ANTXR1: variants seen among roughly 807,000 people sequenced by gnomAD.
The protein encoded by ANTXR1 is anthrax toxin receptor 1.
In ANTXR1, 19 loss-of-function variants were observed where a neutral mutation model predicts 78.1. The ratio of observed to expected loss-of-function variants is 0.24; its 90% CI spans 0.17 to 0.36. The LOEUF is 0.36. Among genes scored for constraint, ANTXR1 ranks in the 10% least tolerant of loss-of-function variants. The probability of loss-of-function intolerance (pLI) is 1.00; values close to 1 mark genes in which losing one functional copy is unlikely to be tolerated. For synonymous variants in ANTXR1, 273 were observed against 260.5 expected (o/e 1.05, Z -0.46); for missense variants, 518 against 718.6 (o/e 0.72, Z 3.19).
intron 17 of ANTXR1, among the ~76,000 whole-genome samples, chr2:69,204,434 G>C (rs1284725728): frequency 6.6e-6 from 1 of 152,104 alleles, no homozygotes; most frequent in Non-Finnish European, 1.5e-5. Context: ...CTTCATTTTA[G>C]AGGCACCAAA....
At chr2:69,059,956 C>A (rs1369323307) in intron 3 of ANTXR1, among the ~76,000 whole-genome samples, 3 of 152,094 alleles carry the variant, frequency 2.0e-5, no homozygotes, top group Non-Finnish European at 4.4e-5. Context: ...AATGTGTGAC[C>A]AATGAAAATA....
intron 3 of ANTXR1, among the ~76,000 whole-genome samples, chr2:69,064,823 T>C (rs1283252526): frequency 1.3e-5 from 2 of 152,110 alleles, no homozygotes; most frequent in Non-Finnish European, 1.5e-5. Flanking sequence ...AATTAGAAAA[T>C]GTATCCAACA....
At chr2:69,191,108 T>C (rs555555692) in intron 16 of ANTXR1, among the ~76,000 whole-genome samples, 15 of 152,226 alleles carry the variant, frequency 9.9e-5, no homozygotes, top group Non-Finnish European at 1.5e-4. Context: ...AGCTGGTGAT[T>C]GGAACGGCTT....
At chr2:69,040,213 T>C in intron 2 of ANTXR1, 98 bp downstream of exon 2, 1 of 1,115,706 alleles carries the variant, frequency 9.0e-7, no homozygotes, top group Non-Finnish European at 1.3e-6. Context: ...ACTTTGGGGA[T>C]GTTTTTTGAC....
Position 69,090,848 on chromosome 2 carries a change from G to T in ANTXR1, c.643-11G>T, listed in dbSNP as rs556643370. ...GCTGTGCATTGACTCTTTTATTTCC[G>T]CTCCTCCTAGATTTTGAAGAAGTCC... is the stretch of plus-strand genomic sequence containing the variant. On this transcript the variant is annotated splice_polypyrimidine_tract_variant and intron_variant, in intron 8 of 17. Transcript: ENST00000303714. The T allele has an allele frequency of 2.7e-5, 44 of 1,612,384 alleles. No individual in the cohort carries two copies. The highest frequency in any genetic ancestry group is 2.3e-4 in the African/African-American group (17 of 74,932).
intron 13 of ANTXR1, 52 bp from the exon 14 acceptor site, chr2:69,170,196 G>A: frequency 6.2e-7 from 1 of 1,606,174 alleles, no homozygotes; most frequent in South Asian, 1.1e-5. Flanking sequence ...AGCCTCTTAG[G>A]AGGCAGGTAG....
At chr2:69,155,678 T>C (rs1322438435) in intron 13 of ANTXR1, among the ~76,000 whole-genome samples, 3 of 152,156 alleles carry the variant, frequency 2.0e-5, no homozygotes, top group African/African-American at 4.8e-5. Flanking sequence ...AAGTCATCAA[T>C]GAATCAGTGA....
In ANTXR1 at chr2:69,137,112, A is replaced by G. The variant is rs1172701479; in HGVS notation, c.951+12469A>G. Among the ~76,000 whole-genome samples the G allele has an allele frequency of 2.0e-5, 3 of 152,180 alleles. No individual in the cohort carries two copies. The East Asian group carries it at 5.8e-4, about 29-fold the overall frequency. On this transcript the variant is annotated intron_variant, in intron 12 of 17. Coordinates refer to ENST00000303714, the MANE Select transcript of ANTXR1 (RefSeq NM_032208.3). ...TCCCCCATTTTTATCACCAACTAAA[A>G]TTTGGCGGATTACTATGAAACTCTC...
chr2:69,182,913 C>A, intron 16 of ANTXR1: 2 of 513,464 alleles, frequency 3.9e-6, no homozygotes, highest in Non-Finnish European at 6.9e-6. Flanking sequence ...AAAACTGGAA[C>A]AATATAGAGA....
At position 69,245,367 on chromosome 2, in the gene ANTXR1, C is replaced by T. The variant is rs1460382455; in HGVS notation, c.1577C>T (p.Pro526Leu). The change falls in exon 18 of 18, where the codon CCC becomes CTC. Residue 526 changes from proline to leucine, a missense_variant. Pro to Leu is a moderately conservative substitution (Grantham distance 98). Coordinates refer to ENST00000303714, the MANE Select transcript of ANTXR1 (RefSeq NM_032208.3). ...GCGCCCCACTGCCCTCCCCCGCCCC[C>T]CAGCGCCCCTACCCCTCCCATCCCG... ...PPAPHCPPPP[P>L]SAPTPPIPSP... is the part of the protein sequence containing the mutation. 4.0e-6 allele frequency: 6 copies of T among 1,518,496 alleles called. No individual in the cohort carries two copies. Among genetic ancestry groups the T allele is most frequent in the Admixed American group, 2.0e-5 (1 of 48,978 alleles). 94.1% of individuals were successfully genotyped at this position (1,518,496 alleles called of 1,614,324 possible). A position where few individuals can be genotyped will look rare whatever the true frequency, so the allele number is the denominator to read the frequency against.
chr2:69,241,775 A>G (rs1464622444), intron 17 of ANTXR1, among the ~76,000 whole-genome samples: 1 of 152,196 alleles, frequency 6.6e-6, no homozygotes, highest in African/African-American at 2.4e-5. Context: ...TTTCCACCAC[A>G]GACAGGGTCT....
At chr2:69,192,770 T>C (rs2104475046) in intron 16 of ANTXR1, among the ~76,000 whole-genome samples, 1 of 152,344 alleles carries the variant, frequency 6.6e-6, no homozygotes, top group South Asian at 2.1e-4. Flanking sequence ...TTGTGGTTTT[T>C]GGTCATCTGT....
chr2:69,217,241 G>A (rs1040335600), intron 17 of ANTXR1, among the ~76,000 whole-genome samples: 10 of 152,212 alleles, frequency 6.6e-5, no homozygotes, highest in Non-Finnish European at 1.5e-4. Context: ...CCCACCAAAA[G>A]TGCTTAGGGC....
At chr2:69,114,544 A>G (rs938269285) in intron 10 of ANTXR1, among the ~76,000 whole-genome samples, 8 of 152,200 alleles carry the variant, frequency 5.3e-5, no homozygotes, top group Middle Eastern at 3.2e-3. Flanking sequence ...CCTCATGAAC[A>G]CAGTAACAAT....
chr2:69,082,863 G>C (rs1670939032), intron 8 of ANTXR1, among the ~76,000 whole-genome samples: 1 of 152,206 alleles, frequency 6.6e-6, no homozygotes, highest in Non-Finnish European at 1.5e-5. Flanking sequence ...GTTAAGGAGA[G>C]TGAGTCAGCA....
intron 8 of ANTXR1, among the ~76,000 whole-genome samples, chr2:69,089,810 A>G (rs949815424): frequency 6.6e-6 from 1 of 152,242 alleles, no homozygotes; most frequent in Non-Finnish European, 1.5e-5. Context: ...CCTCTAAACC[A>G]TCTCAAATTC....
At chr2:69,155,364 A>G (rs879041714) in intron 13 of ANTXR1, among the ~76,000 whole-genome samples, 13 of 152,106 alleles carry the variant, frequency 8.5e-5, no homozygotes, top group Admixed American at 7.9e-4. Flanking sequence ...GAGGTATTGG[A>G]CTATGCACAC....
rs180825227 is a variant in ANTXR1, at chr2:69,029,609, C to T, written c.153-10435C>T. Among the ~76,000 whole-genome samples, 194 of 151,496 alleles carry T rather than the reference C, an allele frequency of 1.3e-3. 1 individual carries two copies. The highest frequency in any genetic ancestry group is 4.5e-3 in the African/African-American group (185 of 41,274). On this transcript the variant is annotated intron_variant, in intron 1 of 17. Transcript: ENST00000303714. ...AAAAGGAAAGTGAGATTCAGACTGG[C>T]GTTAGTTTTTTTACTCTACACATTA...
At chr2:69,240,817 T>C (rs1675877678) in intron 17 of ANTXR1, among the ~76,000 whole-genome samples, 1 of 152,098 alleles carries the variant, frequency 6.6e-6, no homozygotes, top group Admixed American at 6.5e-5. Context: ...CTTTAGTTTT[T>C]TTTCTGTACA....
Sources: allele counts gnomAD v4.1 joint callset (sites outside exome capture counted in the v4.1 genomes callset), GRCh38; gene constraint gnomAD v4.1.1; transcripts MANE v1.5; gene names NCBI Gene and HGNC (gene_info 2026-07-23, HGNC 2026-07-21).